The following TEN1 variants were observed in gnomAD, a reference collection of about 807,000 sequenced individuals.
The protein encoded by TEN1 is TEN1 subunit of CST complex.
A neutral mutation model predicts 9.3 loss-of-function variants in TEN1; 6 were observed. That is an observed-to-expected ratio of 0.65 (90% confidence interval 0.35 to 1.27). TEN1 has a LOEUF of 1.27. TEN1 is among the 50% of genes most tolerant of loss of function. TEN1 has a pLI of 0.03. For missense variants in TEN1, 149 were observed against 158.2 expected (o/e 0.94, Z 0.31); for synonymous variants, 65 against 65.6 (o/e 0.99, Z 0.04).
At chr17:75,979,567 C>T in intron 1 of TEN1, 56 bp downstream of exon 1, 1 of 264,648 alleles carries the variant, frequency 3.8e-6, no homozygotes, top group South Asian at 3.5e-5. Flanking sequence ...GGGATTGCGC[C>T]TGCACTTGCC....
intron 3 of TEN1, among the ~76,000 whole-genome samples, chr17:75,996,221 C>T (rs2066217021): frequency 6.6e-6 from 1 of 152,048 alleles, no homozygotes; most frequent in South Asian, 2.1e-4. Context: ...TGTGGTGGCT[C>T]ACGCCTGTAA....
intron 3 of TEN1, among the ~76,000 whole-genome samples, chr17:75,992,221 T>C (rs1339080822): frequency 7.5e-6 from 1 of 133,634 alleles, no homozygotes; most frequent in African/African-American, 2.4e-5. Flanking sequence ...AATCTGAGTC[T>C]TAAAAATTTT....
chr17:75,995,526 C>T (rs1224854898), intron 3 of TEN1, among the ~76,000 whole-genome samples: 1 of 152,196 alleles, frequency 6.6e-6, no homozygotes, highest in Admixed American at 6.6e-5. Flanking sequence ...TGCCTAAGAG[C>T]TAGCTAAGAA....
chr17:75,983,815 C>T (rs559424681), intron 1 of TEN1, among the ~76,000 whole-genome samples: 4 of 152,070 alleles, frequency 2.6e-5, no homozygotes, highest in Non-Finnish European at 5.9e-5. Context: ...TGAGTCACCT[C>T]TGAGGGGGGC....
At chr17:75,988,932 G>A (rs1290748952) in intron 2 of TEN1, among the ~76,000 whole-genome samples, 11 of 150,920 alleles carry the variant, frequency 7.3e-5, no homozygotes, top group Non-Finnish European at 1.2e-4. Context: ...CATCACACCC[G>A]GCTAATTTTT....
intron 3 of TEN1, among the ~76,000 whole-genome samples, chr17:75,992,963 T>G (rs922106322): frequency 2.7e-5 from 4 of 149,760 alleles, no homozygotes; most frequent in South Asian, 2.1e-4. Flanking sequence ...CTGCTGGTTT[T>G]TTTTTTTTTT....
intron 3 of TEN1, among the ~76,000 whole-genome samples, chr17:75,995,220 CAA>C (rs57034018): frequency 8.5e-4 from 103 of 120,794 alleles, no homozygotes; most frequent in Non-Finnish European, 1.1e-3. Flanking sequence ...GACCCTGTTT[CAA>C]AAAAAAAAAA....
At chr17:75,988,342 C>T (rs2144350253) in intron 2 of TEN1, among the ~76,000 whole-genome samples, 1 of 151,514 alleles carries the variant, frequency 6.6e-6, no homozygotes, top group Middle Eastern at 3.4e-3. Context: ...GGGAGGATTG[C>T]TTGAGTCCAG....
intron 2 of TEN1, among the ~76,000 whole-genome samples, chr17:75,988,561 C>CAAAAAAAAAAAAAAAA (rs1189354019): frequency 3.5e-5 from 1 of 28,984 alleles, no homozygotes. Flanking sequence ...GATCCTGCCT[C>CAAAAAAAAAAAAAAAA]AAAAAAAAAA....
At chr17:75,987,611 T>C (rs1366692754) in intron 2 of TEN1, among the ~76,000 whole-genome samples, 1 of 151,988 alleles carries the variant, frequency 6.6e-6, no homozygotes, top group Non-Finnish European at 1.5e-5. Context: ...CACGTGTACA[T>C]ACATATAGAA....
rs935390310 is a variant in TEN1 at position 75,979,420 on chromosome 17, A to G, written c.-98A>G. 5 of 430,778 alleles carry G rather than the reference A, an allele frequency of 1.2e-5. No individual in the cohort carries two copies. In the Admixed American group the frequency reaches 1.8e-4, roughly 16 times the overall value. The allele number at this position is 430,778 out of a possible 1,614,324, so 26.7% of individuals were successfully genotyped here. On this transcript the variant is annotated 5_prime_UTR_variant, in exon 1 of 4. Transcript: ENST00000397640. ...CTGCTGGGCGTCCGGGGAGTGGGAAAATAAAGCACTTTTTGTATCCCGCCC... is the reference window on the plus strand; with the variant it reads ...CTGCTGGGCGTCCGGGGAGTGGGAAGATAAAGCACTTTTTGTATCCCGCCC...
In TEN1 at chr17:75,999,345, A is replaced by C. The variant is rs72865839; in HGVS notation, c.251-796A>C. Among the ~76,000 whole-genome samples the C allele has an allele frequency of 3.3e-5, 5 of 151,766 alleles. No homozygotes were observed. The South Asian group carries it at 6.2e-4, about 19-fold the overall frequency. On this transcript the variant is annotated intron_variant, in intron 3 of 3. Coordinates refer to ENST00000397640, the MANE Select transcript of TEN1 (RefSeq NM_001113324.3). ...GACAGAGCAACACCCTGTCTCAAAA[A>C]AAAAATTTTTTTTTTTAGGTGGAGT...
At position 76,000,217 on chromosome 17, in the gene TEN1, C is replaced by T. The variant is rs1474751254; in HGVS notation, c.327C>T (p.Ile109=). Residue 109 remains isoleucine (I), a synonymous_variant, in exon 4 of 4, where the codon ATC becomes ATT. Transcript: ENST00000397640. The surrounding 1 kb of genome is among the most constrained non-coding windows in gnomAD (Gnocchi z 5.9). ...GMNLPLLEQA[I]REQRLYKQER... ...ACCTGCCCTTGTTGGAACAAGCCATCCGGGAGCAGAGACTGTACAAGCAGG... is the reference window on the plus strand; with the variant it reads ...ACCTGCCCTTGTTGGAACAAGCCATTCGGGAGCAGAGACTGTACAAGCAGG... The T allele has an allele frequency of 6.4e-7, 1 of 1,551,326 alleles. No homozygotes were observed.
At chr17:75,984,200 C>T (rs972236705) in intron 1 of TEN1, among the ~76,000 whole-genome samples, 11 of 152,164 alleles carry the variant, frequency 7.2e-5, no homozygotes, top group Admixed American at 3.9e-4. Context: ...AGCTCTCCCC[C>T]GCTGTCCTAA....
At position 76,000,238 on chromosome 17, in the gene TEN1, G is replaced by A. The variant is rs1366140526; in HGVS notation, c.348G>A (p.Lys116=). ...CCATCCGGGAGCAGAGACTGTACAA[G>A]CAGGAGCGGGGCGGCAGCCAGTAGG... ...EQAIREQRLY[K]QERGGSQ is the part of the protein sequence containing the mutation. The change falls in exon 4 of 4, where the codon AAG becomes AAA. Residue 116 remains lysine, a synonymous_variant. Coordinates refer to ENST00000397640, the MANE Select transcript of TEN1 (RefSeq NM_001113324.3). This position sits in a 1 kb window ranked among gnomAD's most constrained non-coding sequence, Gnocchi z 5.9. 1.3e-6 allele frequency: 2 copies of A among 1,551,192 alleles called. No individual in the cohort carries two copies. The highest frequency in any genetic ancestry group is 2.0e-5 in the Admixed American group (1 of 50,968).
Position 75,986,264 on chromosome 17 carries a change from C to T in TEN1, c.72C>T (p.Ser24=). The change falls in exon 2 of 4, where the codon AGC becomes AGT. Residue 24 remains serine (S), a synonymous_variant. Coordinates refer to ENST00000397640, the MANE Select transcript of TEN1 (RefSeq NM_001113324.3). ...GTGCAGGCCAAGTTCCTGATGGGAG[C>T]ACGCTGAGAACATTTGGCAGGTGAG... is the stretch of plus-strand genomic sequence containing the variant. The part of the protein sequence containing the change: ...EVSAGQVPDG[S]TLRTFGRLCL... 6.5e-7 allele frequency: 1 copy of T among 1,548,728 alleles called. No individual in the cohort carries two copies. Among genetic ancestry groups the T allele is most frequent in the Non-Finnish European group, 8.7e-7 (1 of 1,145,606 alleles).
chr17:75,984,367 CTG>C (rs2144344134), intron 1 of TEN1, among the ~76,000 whole-genome samples: 1 of 152,236 alleles, frequency 6.6e-6, no homozygotes, highest in Admixed American at 6.5e-5. Flanking sequence ...AATCTGTGCA[CTG>C]TCTCTTGTTC....
chr17:75,979,410 G>A lies in TEN1; in HGVS notation c.-108G>A, dbSNP rs529484541. On this transcript the variant is annotated 5_prime_UTR_variant, in exon 1 of 4. Coordinates refer to ENST00000397640, the MANE Select transcript of TEN1 (RefSeq NM_001113324.3). ...AGAAACTGCCCTGCTGGGCGTCCGG[G>A]GAGTGGGAAAATAAAGCACTTTTTG... 4.3e-6 allele frequency: 2 copies of A among 463,978 alleles called. No homozygotes were observed. The highest frequency in any genetic ancestry group is 8.5e-5 in the East Asian group (2 of 23,412). 28.7% of individuals were successfully genotyped at this position (463,978 alleles called of 1,614,324 possible).
At position 76,000,539 on chromosome 17, in the gene TEN1, G is replaced by A. The variant is rs1028461566; in HGVS notation, c.*277G>A. Reference sequence around the variant, plus strand: ...CGTGCTTGGTGTGGGGCCATGGAGGGTTCCAGAAGGTCCTGGTGAATAAAG... The same window carrying A: ...CGTGCTTGGTGTGGGGCCATGGAGGATTCCAGAAGGTCCTGGTGAATAAAG... On this transcript the variant is annotated 3_prime_UTR_variant, in exon 4 of 4. Coordinates refer to ENST00000397640, the MANE Select transcript of TEN1 (RefSeq NM_001113324.3). The surrounding 1 kb of genome is among the most constrained non-coding windows in gnomAD (Gnocchi z 5.9). 2.5e-6 allele frequency: 1 copy of A among 392,838 alleles called. No homozygotes were observed. The highest frequency in any genetic ancestry group is 4.6e-6 in the Non-Finnish European group (1 of 218,582). 24.3% of individuals were successfully genotyped at this position (392,838 alleles called of 1,614,324 possible).
Sources: allele counts gnomAD v4.1 joint callset (sites outside exome capture counted in the v4.1 genomes callset), GRCh38; gene constraint gnomAD v4.1.1; non-coding constraint Gnocchi (gnomAD v3.1); transcripts MANE v1.5; gene names NCBI Gene and HGNC (gene_info 2026-07-23, HGNC 2026-07-21).